The following ZNF738 variants were observed in gnomAD, a reference collection of about 807,000 sequenced individuals.
ZNF738 encodes the protein protein ZNF738.
In ZNF738, 10 loss-of-function variants were observed where a neutral mutation model predicts 9.2. The ratio of observed to expected loss-of-function variants is 1.09; its 90% CI spans 0.67 to 1.85. The LOEUF is 1.85. Ranked by LOEUF, ZNF738 falls within the 40% of genes most tolerant of loss-of-function variation. The pLI is 0.00. For missense variants in ZNF738, 346 were observed against 283.6 expected, an observed-to-expected ratio of 1.22 and a Z score of -1.58; for synonymous variants, 113 against 94.5, an observed-to-expected ratio of 1.20 and a Z score of -1.14.
At chr19:21,368,522 GCT>G (rs1973816536) in intron 2 of ZNF738, among the ~76,000 whole-genome samples, 1 of 151,810 alleles carries the variant, frequency 6.6e-6, no homozygotes, top group Non-Finnish European at 1.5e-5. Flanking sequence ...GTGCAATGGT[GCT>G]ATCTCGGCTC....
intron 4 of ZNF738, chr19:21,381,341 G>A: frequency 6.5e-7 from 1 of 1,535,170 alleles, no homozygotes; most frequent in South Asian, 1.1e-5. Flanking sequence ...TGTTAGCTTT[G>A]CTTTCTTTTT....
At chr19:21,378,056 G>C (rs780369372) in intron 4 of ZNF738, 232 of 397,036 alleles carry the variant, frequency 5.8e-4, no homozygotes, top group Non-Finnish European at 9.2e-4. Context: ...AAACCTTTAA[G>C]AGATACAATG....
Position 21,383,880 on chromosome 19 carries a change from C to T in ZNF738, c.*206C>T. 1.4e-6 allele frequency: 2 copies of T among 1,414,378 alleles called. No homozygotes were observed. Among genetic ancestry groups the T allele is most frequent in the Non-Finnish European group, 2.0e-6 (2 of 1,003,476 alleles). The allele number at this position is 1,414,378 out of a possible 1,614,324, so 87.6% of individuals were successfully genotyped here. On this transcript the variant is annotated 3_prime_UTR_variant, in exon 5 of 5. Coordinates refer to ENST00000683779, the MANE Select transcript of ZNF738 (RefSeq NM_001355237.2). The stretch of plus-strand genomic sequence containing the variant: ...CTTCAGATTCTCATACCTTACTACA[C>T]ATAAGATAATTCATACTGGAGAGAA...
At chr19:21,374,409 G>A (rs971086999) in intron 2 of ZNF738, among the ~76,000 whole-genome samples, 3 of 152,176 alleles carry the variant, frequency 2.0e-5, no homozygotes, top group African/African-American at 7.2e-5. Context: ...TTTTTGGGGG[G>A]CAATATCTCA....
At chr19:21,378,814 G>A (rs2145238846) in intron 4 of ZNF738, 1 of 179,132 alleles carries the variant, frequency 5.6e-6, no homozygotes, top group Non-Finnish European at 1.2e-5. Flanking sequence ...GGTCAGGCTA[G>A]TCTCGATCTC....
chr19:21,376,145 G>A, intron 4 of ZNF738, 181 bp downstream of exon 4: 1 of 430,882 alleles, frequency 2.3e-6, no homozygotes. Flanking sequence ...GTCACATAGG[G>A]CCATCTTCTG....
At position 21,383,474 on chromosome 19, in the gene ZNF738, C is replaced by A. The variant is rs1974031411; in HGVS notation, c.928C>A (p.His310Asn). 1.3e-6 allele frequency: 1 copy of A among 777,738 alleles called. No homozygotes were observed. Among genetic ancestry groups the A allele is most frequent in the Non-Finnish European group, 2.3e-6 (1 of 443,596 alleles). The allele number at this position is 777,738 out of a possible 1,614,324, so 48.2% of individuals were successfully genotyped here. A position where few individuals can be genotyped will look rare whatever the true frequency, so the allele number is the denominator to read the frequency against. Reference sequence around the variant, plus strand: ...ACACCTTACTAAACATAAGACAATTCATGCTGGAGAGAAACCCTACAAATG... The same window carrying A: ...ACACCTTACTAAACATAAGACAATTAATGCTGGAGAGAAACCCTACAAATG... ...SSHLTKHKTIHAGEKPYKCEG... is the reference protein window; with the variant it reads ...SSHLTKHKTINAGEKPYKCEG... The change falls in exon 5 of 5, where the codon CAT becomes AAT. Residue 310 changes from histidine (H) to asparagine (N), a missense_variant. Coordinates refer to ENST00000683779, the MANE Select transcript of ZNF738 (RefSeq NM_001355237.2).
At chr19:21,363,397 C>T (rs998580381) in intron 2 of ZNF738, among the ~76,000 whole-genome samples, 1 of 152,110 alleles carries the variant, frequency 6.6e-6, no homozygotes, top group Non-Finnish European at 1.5e-5. Context: ...AGTGCCTCTC[C>T]TGCAGATGTT....
At position 21,384,374 on chromosome 19, in the gene ZNF738, C is replaced by T. The variant is rs376713720; in HGVS notation, c.*700C>T. 2.9e-4 allele frequency among the ~76,000 whole-genome samples: 44 copies of T among 151,626 alleles called. 1 individual carries two copies. In the South Asian group the frequency reaches 9.2e-3, roughly 32 times the overall value. On this transcript the variant is annotated 3_prime_UTR_variant, in exon 5 of 5. Coordinates refer to ENST00000683779, the MANE Select transcript of ZNF738 (RefSeq NM_001355237.2). ...GCAAAGCCTTTAATGTATTCTCAAC[C>T]CTTACTAAACATAAGAGAATTCATA...
At chr19:21,361,103 T>G (rs1043981342) in intron 1 of ZNF738, among the ~76,000 whole-genome samples, 1 of 133,794 alleles carries the variant, frequency 7.5e-6, no homozygotes, top group Non-Finnish European at 1.6e-5. Context: ...CGTGAGCCAC[T>G]GCGCCCTGCA....
chr19:21,378,171 G>A, intron 4 of ZNF738: 1 of 374,112 alleles, frequency 2.7e-6, no homozygotes, highest in Admixed American at 4.5e-5. Flanking sequence ...ATTTTTATAT[G>A]TATATTTATT....
At chr19:21,373,777 CT>C (rs34606176) in intron 2 of ZNF738, among the ~76,000 whole-genome samples, 23,767 of 130,648 alleles carry the variant, frequency 0.18, 2,022 homozygotes, top group Non-Finnish European at 0.23. Flanking sequence ...GGAAAAATGG[CT>C]TTTTTTTTTT....
Position 21,386,574 on chromosome 19 carries a change from G to T in ZNF738, c.*2900G>T. The T allele has an allele frequency of 2.9e-6, 1 of 343,268 alleles. No homozygotes were observed. The highest frequency in any genetic ancestry group is 2.9e-5 in the South Asian group (1 of 34,090). 21.3% of individuals were successfully genotyped at this position (343,268 alleles called of 1,614,324 possible). A position where few individuals can be genotyped will look rare whatever the true frequency, so the allele number is the denominator to read the frequency against. ...TTTGAACAAAATAATTCATACAGGA[G>T]AGAAACACTACAAATGTGAGGAATG... On this transcript the variant is annotated 3_prime_UTR_variant, in exon 5 of 5. Transcript: ENST00000683779.
intron 2 of ZNF738, among the ~76,000 whole-genome samples, chr19:21,369,315 T>C (rs1449714775): frequency 6.6e-6 from 1 of 152,192 alleles, no homozygotes; most frequent in Non-Finnish European, 1.5e-5. Flanking sequence ...TTTGCCATGT[T>C]GCCCAGGCTG....
At position 21,385,456 on chromosome 19, in the gene ZNF738, CA is replaced by C. The variant is rs201148878; in HGVS notation, c.*1789del. Among the ~76,000 whole-genome samples the C allele has an allele frequency of 3.5e-5, 5 of 144,878 alleles. No homozygotes were observed. The highest frequency in any genetic ancestry group is 7.6e-5 in the Non-Finnish European group (5 of 65,970). ...GGATGACAGAGAGAGACTCTATCTCCAAAAAAATAAATAAATAAATAAAAAA... is the reference window on the plus strand; with the variant it reads ...GGATGACAGAGAGAGACTCTATCTCCAAAAAATAAATAAATAAATAAAAAA... On this transcript the variant is annotated 3_prime_UTR_variant, in exon 5 of 5. Coordinates refer to ENST00000683779, the MANE Select transcript of ZNF738 (RefSeq NM_001355237.2).
At position 21,385,136 on chromosome 19, in the gene ZNF738, G is replaced by C. The variant is rs1974052225; in HGVS notation, c.*1462G>C. 6.7e-6 allele frequency among the ~76,000 whole-genome samples: 1 copy of C among 149,090 alleles called. No homozygotes were observed. Among genetic ancestry groups the C allele is most frequent in the Admixed American group, 6.7e-5 (1 of 14,956 alleles). ...GAGGCTGAGGCAGGCAGATCACCTGGTCAATGGTCCTCTACCCTTACTAAA... is the reference window on the plus strand; with the variant it reads ...GAGGCTGAGGCAGGCAGATCACCTGCTCAATGGTCCTCTACCCTTACTAAA... On this transcript the variant is annotated 3_prime_UTR_variant, in exon 5 of 5. Coordinates refer to ENST00000683779, the MANE Select transcript of ZNF738 (RefSeq NM_001355237.2).
chr19:21,377,305 TAAAA>T, intron 4 of ZNF738: 2 of 445,804 alleles, frequency 4.5e-6, no homozygotes, highest in South Asian at 2.9e-5. Flanking sequence ...AAACTCCATC[TAAAA>T]AAAAAAAAAA....
At chr19:21,379,759 G>A (rs1973983068) in intron 4 of ZNF738, among the ~76,000 whole-genome samples, 1 of 151,760 alleles carries the variant, frequency 6.6e-6, no homozygotes, top group Non-Finnish European at 1.5e-5. Context: ...CATACATACA[G>A]TATTGCACGA....
intron 2 of ZNF738, among the ~76,000 whole-genome samples, chr19:21,368,924 C>T (rs1973822254): frequency 6.6e-6 from 1 of 151,948 alleles, no homozygotes; most frequent in African/African-American, 2.4e-5. Flanking sequence ...TTTTAGTAGA[C>T]ACGGGGTTTT....
Sources: gnomAD v4.1 joint callset for allele counts (sites outside exome capture counted in the v4.1 genomes callset) on GRCh38, gnomAD v4.1.1 for gene constraint, MANE v1.5 for transcripts, NCBI Gene and HGNC (gene_info 2026-07-23, HGNC 2026-07-21) for gene names.